Variants in ACACA observed in about 807,000 individuals in gnomAD.
ACACA encodes the protein acetyl-CoA carboxylase 1.
In ACACA, 103 loss-of-function variants were observed where a neutral mutation model predicts 296.1. The observed-to-expected ratio is 0.35, with a 90% CI of 0.30 to 0.41. The LOEUF (loss-of-function observed/expected upper bound fraction) is 0.41, where lower values mean the gene tolerates loss of function less well. Among genes scored for constraint, ACACA ranks in the 10% least tolerant of loss-of-function variants. The probability of loss-of-function intolerance (pLI) is 1.00; values close to 1 mark genes in which losing one functional copy is unlikely to be tolerated. For missense variants in ACACA, 1,554 were observed against 2,989.7 expected, an observed-to-expected ratio of 0.52 and a Z score of 11.20; for synonymous variants, 953 against 1,038.6, an observed-to-expected ratio of 0.92 and a Z score of 1.58.
At chr17:37,332,666 C>T (rs2047939048) in intron 2 of ACACA, among the ~76,000 whole-genome samples, 1 of 151,742 alleles carries the variant, frequency 6.6e-6, no homozygotes, top group African/African-American at 2.4e-5. Context: ...AATACCAGCA[C>T]TTTGGTAGGC....
chr17:37,234,992 G>T lies in ACACA; in HGVS notation c.3229C>A (p.Leu1077Met). ...GTACTCACAATAAGCATTGTGACCA[G>T]AAGATTCTTCTTGGTGACTTGAGCG... is the stretch of plus-strand genomic sequence containing the variant. ...SHAQVTKKNL[L>M]VTMLIDQLCG... The change falls in exon 25 of 56, where the codon CTG becomes ATG. Residue 1077 changes from leucine to methionine, a missense_variant. Transcript: ENST00000616317. The T allele has an allele frequency of 6.2e-7, 1 of 1,613,818 alleles. No individual in the cohort carries two copies. Among genetic ancestry groups the T allele is most frequent in the Non-Finnish European group, 8.5e-7 (1 of 1,179,940 alleles).
intron 1 of ACACA, among the ~76,000 whole-genome samples, chr17:37,392,881 G>A (rs529919208): frequency 3.9e-5 from 6 of 152,122 alleles, no homozygotes; most frequent in South Asian, 2.1e-4. Context: ...GGTGGCTCAC[G>A]CCTGTAATCC....
chr17:37,125,752 G>C lies in ACACA; in HGVS notation c.5987C>G (p.Ser1996Cys), dbSNP rs1334756390. ...QWLSGFFDYG[S>C]FSEIMQPWAQ... ...CCAGGGCTGCATAATCTCTGAGAAA[G>C]ATCCATAGTCAAAAAAGCCACTCAA... The change falls in exon 48 of 56, where the codon TCT (serine) becomes TGT (cysteine). Residue 1996 changes from serine (S) to cysteine (C), a missense_variant. Coordinates refer to ENST00000616317, the MANE Select transcript of ACACA (RefSeq NM_198834.3). 1.2e-6 allele frequency: 2 copies of C among 1,614,060 alleles called. No homozygotes were observed.
At chr17:37,363,047 T>C (rs79668692) in intron 1 of ACACA, among the ~76,000 whole-genome samples, 2 of 149,674 alleles carry the variant, frequency 1.3e-5, no homozygotes, top group African/African-American at 2.4e-5. Flanking sequence ...TTTTTTTTTT[T>C]AATCACAACT....
intron 52 of ACACA, among the ~76,000 whole-genome samples, chr17:37,102,559 A>T (rs1169338057): frequency 6.6e-6 from 1 of 152,186 alleles, no homozygotes; most frequent in Non-Finnish European, 1.5e-5. Context: ...CTCTCTCCAA[A>T]GCCTGTGTTC....
chr17:37,119,789 T>G (rs948413089), intron 50 of ACACA, among the ~76,000 whole-genome samples: 4 of 152,182 alleles, frequency 2.6e-5, no homozygotes, highest in Non-Finnish European at 5.9e-5. Flanking sequence ...TCCTCCCTCA[T>G]AGGCTGGGGG....
intron 3 of ACACA, among the ~76,000 whole-genome samples, chr17:37,310,793 C>CAAA (rs74268026): frequency 7.3e-4 from 37 of 50,372 alleles, no homozygotes; most frequent in East Asian, 2.2e-3. Context: ...GACACCATCT[C>CAAA]AAAAAAAAAA....
At chr17:37,283,182 C>G in intron 5 of ACACA, 85 bp downstream of exon 5, 1 of 1,533,252 alleles carries the variant, frequency 6.5e-7, no homozygotes, top group Non-Finnish European at 9.0e-7. Context: ...GGGAATCCCC[C>G]TAAGTTAACA....
intron 24 of ACACA, among the ~76,000 whole-genome samples, chr17:37,239,460 A>C (rs1203989515): frequency 2.0e-5 from 3 of 152,200 alleles, no homozygotes. Context: ...CTTAAAGATA[A>C]TGTTTTCAAC....
At chr17:37,218,272 A>C (rs2079126096) in intron 29 of ACACA, among the ~76,000 whole-genome samples, 1 of 152,116 alleles carries the variant, frequency 6.6e-6, no homozygotes, top group Non-Finnish European at 1.5e-5. Context: ...AAATACGGCT[A>C]GTTTATATTG....
At chr17:37,262,915 A>G (rs1029459724) in intron 11 of ACACA, among the ~76,000 whole-genome samples, 19 of 152,038 alleles carry the variant, frequency 1.2e-4, no homozygotes, top group Non-Finnish European at 2.5e-4. Context: ...TTTTTAGTAG[A>G]GATAGGGTTT....
chr17:37,111,612 C>T lies in ACACA; in HGVS notation c.6484G>A (p.Glu2162Lys), dbSNP rs1478106922. 1 of 1,614,176 alleles carries T rather than the reference C, an allele frequency of 6.2e-7. No individual in the cohort carries two copies. Among genetic ancestry groups the T allele is most frequent in the South Asian group, 1.1e-5 (1 of 91,084 alleles). Reference sequence around the variant, plus strand: ...AGATCCTTTCTGCGGAATTTGATTTCTACTGTCCCTTCTGGCTCCAGAACA... The same window carrying T: ...AGATCCTTTCTGCGGAATTTGATTTTTACTGTCCCTTCTGGCTCCAGAACA... Reference protein sequence around the residue: ...GSVLEPEGTVEIKFRRKDLVK... With the variant: ...GSVLEPEGTVKIKFRRKDLVK... Residue 2162 changes from glutamate (E) to lysine (K), a missense_variant, in exon 52 of 56, where the codon GAA (glutamate) becomes AAA (lysine). Transcript: ENST00000616317.
In ACACA at chr17:37,172,876, T is replaced by C. The variant is rs7212002; in HGVS notation, c.5079+6384A>G. 5.8e-3 allele frequency among the ~76,000 whole-genome samples: 887 copies of C among 152,336 alleles called. 5 individuals carry two copies. Among genetic ancestry groups the C allele is most frequent in the African/African-American group, 0.02 (844 of 41,572 alleles). On this transcript the variant is annotated intron_variant, in intron 41 of 55. Transcript: ENST00000616317. ...AGTTGAACAATCAATGCATAGACCA[T>C]GGTCCTGTTTTACAGACCCGCTTCG... is the stretch of plus-strand genomic sequence containing the variant.
At chr17:37,240,977 G>A (rs2080368108) in intron 23 of ACACA, among the ~76,000 whole-genome samples, 1 of 152,138 alleles carries the variant, frequency 6.6e-6, no homozygotes, top group African/African-American at 2.4e-5. Flanking sequence ...AGGATCACTT[G>A]AGTCTAGGAG....
chr17:37,113,585 C>T lies in ACACA; in HGVS notation c.6275-320G>A, dbSNP rs2074091242. Among the ~76,000 whole-genome samples the T allele has an allele frequency of 6.6e-6, 1 of 152,196 alleles. No individual in the cohort carries two copies. The highest frequency in any genetic ancestry group is 1.5e-5 in the Non-Finnish European group (1 of 68,030). On this transcript the variant is annotated intron_variant, in intron 50 of 55. Coordinates refer to ENST00000616317, the MANE Select transcript of ACACA (RefSeq NM_198834.3). The surrounding 1 kb of genome is among the most constrained non-coding windows in gnomAD (Gnocchi z 4.0). The stretch of plus-strand genomic sequence containing the variant: ...ACCACATTAATTCACATTTGCTCTA[C>T]AAACGTTGAGTATTTTTCATGTCAA...
intron 8 of ACACA, chr17:37,274,767 G>T: frequency 1.7e-6 from 1 of 594,638 alleles, no homozygotes; most frequent in Non-Finnish European, 2.1e-6. Context: ...CCTGTACTCA[G>T]CCATAAGGGG....
intron 1 of ACACA, among the ~76,000 whole-genome samples, chr17:37,353,223 T>C (rs2080375035): frequency 6.6e-6 from 1 of 152,160 alleles, no homozygotes; most frequent in Non-Finnish European, 1.5e-5. Context: ...TTGCTGCTAA[T>C]CTACTGATAT....
rs2080522078 is a variant in ACACA, at chr17:37,243,465, C to T, written c.2837G>A (p.Arg946His). 2.5e-6 allele frequency: 4 copies of T among 1,614,032 alleles called. No individual in the cohort carries two copies. Among genetic ancestry groups the T allele is most frequent in the Non-Finnish European group, 1.7e-6 (2 of 1,179,938 alleles). The change falls in exon 22 of 56, where the codon CGC becomes CAC. Residue 946 changes from arginine to histidine, a missense_variant. This residue lies in a region of ACACA where 316 missense variants were observed against 540.9 expected (regional missense o/e 0.58). Transcript: ENST00000616317. ...AGACTTCTCCACATTGGGGGGAATGCGGCCAGACACACTGGTCATAATATC... is the reference window on the plus strand; with the variant it reads ...AGACTTCTCCACATTGGGGGGAATGTGGCCAGACACACTGGTCATAATATC... ...LQDIMTSVSG[R>H]IPPNVEKSIK... is the part of the protein sequence containing the mutation.
At chr17:37,393,807 G>C (rs1329316419) in intron 1 of ACACA, among the ~76,000 whole-genome samples, 1 of 149,638 alleles carries the variant, frequency 6.7e-6, no homozygotes, top group African/African-American at 2.5e-5. Flanking sequence ...GACAGAGCGA[G>C]ACTGTCTCAA....
Sources: allele counts gnomAD v4.1 joint callset (sites outside exome capture counted in the v4.1 genomes callset), GRCh38; gene constraint gnomAD v4.1.1; regional missense constraint gnomAD v4.1.1; non-coding constraint Gnocchi (gnomAD v3.1); transcripts MANE v1.5; gene names NCBI Gene and HGNC (gene_info 2026-07-23, HGNC 2026-07-21).